The following MEP1A variants were observed in gnomAD, a reference collection of about 807,000 sequenced individuals.
The protein encoded by MEP1A is meprin A subunit alpha, also known as N-benzoyl-L-tyrosyl-P-amino-benzoic acid hydrolase subunit alpha.
Under a neutral mutation model 84.5 loss-of-function variants are expected in MEP1A, and 68 were observed. That is an observed-to-expected ratio of 0.80 (90% CI 0.66 to 0.98). The LOEUF (loss-of-function observed/expected upper bound fraction) is 0.98, where lower values mean the gene tolerates loss of function less well. MEP1A is among the 50% of genes least tolerant of loss of function. The probability of loss-of-function intolerance (pLI) is 0.00; values close to 1 mark genes in which losing one functional copy is unlikely to be tolerated. For missense variants in MEP1A, 887 were observed against 919.9 expected (o/e 0.96, Z 0.46); for synonymous variants, 337 against 336.8 (o/e 1.00, Z -0.01).
chr6:46,845,182 G>T, the MEP1A span, among the ~76,000 whole-genome samples: 1 of 152,174 alleles, frequency 6.6e-6, no homozygotes, highest in African/African-American at 2.4e-5. Context: ...GACGTAGTGT[G>T]ATCAAATTCA....
At chr6:46,807,524 G>T (rs143470382) in intron 5 of MEP1A, among the ~76,000 whole-genome samples, 2,158 of 26,248 alleles carry the variant, frequency 0.082, 53 homozygotes, top group African/African-American at 0.24. Context: ...AAGAAAGAAA[G>T]AAAGAAAGAA....
chr6:46,819,854 G>T (rs1415539129), intron 7 of MEP1A, 150 bp downstream of exon 7: 1 of 857,410 alleles, frequency 1.2e-6, no homozygotes. Flanking sequence ...CCTTTATGTG[G>T]GCTGTGCTGG....
rs780950509 is a variant in MEP1A, at chr6:46,809,483, AT to A, written c.329del (p.Phe110SerfsTer44). On this transcript the variant is annotated frameshift_variant, in exon 6 of 14. Transcript: ENST00000230588. LOFTEE classifies it high-confidence loss of function. ...FEMFRLKSCV[D>X]FKPYEGESSY... ...ATGTTCCGTCTCAAGTCCTGTGTGG[AT>A]TTCAAGCCCTATGAAGGAGAGAGCT... 1.2e-6 allele frequency: 2 copies of A among 1,610,620 alleles called. No individual in the cohort carries two copies. Among genetic ancestry groups the A allele is most frequent in the Non-Finnish European group, 1.7e-6 (2 of 1,177,934 alleles).
At chr6:46,808,935 A>C (rs1449003156) in intron 5 of MEP1A, among the ~76,000 whole-genome samples, 1 of 151,942 alleles carries the variant, frequency 6.6e-6, no homozygotes, top group Non-Finnish European at 1.5e-5. Context: ...CCAGAAAGAG[A>C]GAATGTCTTT....
In MEP1A at chr6:46,834,632, C is replaced by T. The variant is rs545693270; in HGVS notation, c.1664C>T (p.Thr555Met). 83 of 1,611,084 alleles carry T rather than the reference C, an allele frequency of 5.2e-5. No individual in the cohort carries two copies. In the East Asian group the frequency reaches 1.5e-3, roughly 29 times the overall value. The part of the protein sequence containing the change: ...DRPSRVGTYH[T>M]DCNCFRSIDL... ...CCGTCCAGGGTGGGAACCTATCATA[C>T]GGACTGTAATTGTTTTAGAAGCATC... Residue 555 changes from threonine to methionine, a missense_variant, in exon 12 of 14, where the codon ACG (threonine) becomes ATG (methionine). Transcript: ENST00000230588.
intron 5 of MEP1A, among the ~76,000 whole-genome samples, chr6:46,808,310 A>G (rs1293769442): frequency 6.6e-6 from 1 of 152,022 alleles, no homozygotes; most frequent in African/African-American, 2.4e-5. Flanking sequence ...TAGTTTATTG[A>G]CTATTCCCAT....
intron 5 of MEP1A, among the ~76,000 whole-genome samples, chr6:46,799,931 G>A (rs977428696): frequency 6.6e-6 from 1 of 152,148 alleles, no homozygotes; most frequent in African/African-American, 2.4e-5. Context: ...AGCCAGGACA[G>A]GGTTGCTTAG....
At position 46,829,547 on chromosome 6, in the gene MEP1A, T is replaced by C. The variant is rs761938543; in HGVS notation, c.1120T>C (p.Leu374=). 9.9e-6 allele frequency: 16 copies of C among 1,613,976 alleles called. No individual in the cohort carries two copies. Among genetic ancestry groups the C allele is most frequent in the Middle Eastern group, 1.6e-4 (1 of 6,082 alleles). The change falls in exon 10 of 14, where the codon TTG becomes CTG. Residue 374 remains leucine, a synonymous_variant. Coordinates refer to ENST00000230588, the MANE Select transcript of MEP1A (RefSeq NM_005588.3). ...RDDSTGNVRK[L]VKVQTFQGDD... ...TGACAGCACAGGCAATGTTCGCAAG[T>C]TGGTGAAGGTGCAGACTTTTCAAGG...
At chr6:46,802,910 G>A (rs1384993238) in intron 5 of MEP1A, among the ~76,000 whole-genome samples, 2 of 151,614 alleles carry the variant, frequency 1.3e-5, no homozygotes, top group Admixed American at 1.3e-4. Flanking sequence ...TATTTTGCTG[G>A]ATTCCTAATA....
intron 11 of MEP1A, among the ~76,000 whole-genome samples, chr6:46,834,337 G>A (rs556435707): frequency 1.6e-4 from 25 of 151,942 alleles, no homozygotes; most frequent in Non-Finnish European, 3.4e-4. Context: ...ATCACTCAGA[G>A]CTGTGATTCT....
chr6:46,838,431 G>A (rs1163087835), intron 13 of MEP1A, among the ~76,000 whole-genome samples: 1 of 152,168 alleles, frequency 6.6e-6, no homozygotes, highest in Non-Finnish European at 1.5e-5. Flanking sequence ...TAAGTACAGT[G>A]TCCTCATTAT....
rs567626557 is a variant in MEP1A at position 46,835,451 on chromosome 6, G to A, written c.1986G>A (p.Glu662=). 1.6e-5 allele frequency: 26 copies of A among 1,612,680 alleles called. No homozygotes were observed. In the East Asian group the frequency reaches 4.9e-4, roughly 30 times the overall value. The change falls in exon 13 of 14, where the codon GAG becomes GAA. Residue 662 remains glutamate, a synonymous_variant. Coordinates refer to ENST00000230588, the MANE Select transcript of MEP1A (RefSeq NM_005588.3). Reference sequence around the variant, plus strand: ...CGGTGGAGAACACAGGCCCCCTGGAGGACCATAACTGGCCACAGTACTTCA... The same window carrying A: ...CGGTGGAGAACACAGGCCCCCTGGAAGACCATAACTGGCCACAGTACTTCA... ...KRSVENTGPL[E]DHNWPQYFRD...
At chr6:46,841,485 T>A (rs184092569), downstream of MEP1A, among the ~76,000 whole-genome samples, 4 of 152,162 alleles carry the variant, frequency 2.6e-5, no homozygotes, top group African/African-American at 9.7e-5. Context: ...AGAGGGCATG[T>A]AGGGTGGGGA....
chr6:46,809,335 C>T (rs1767435145), intron 5 of MEP1A, 85 bp from the exon 6 acceptor site: 1 of 801,996 alleles, frequency 1.2e-6, no homozygotes, highest in Non-Finnish European at 1.9e-6. Flanking sequence ...TTTAATGTGG[C>T]AGCATGGTTT....
At chr6:46,813,512 A>G (rs917765715) in intron 6 of MEP1A, among the ~76,000 whole-genome samples, 5 of 152,132 alleles carry the variant, frequency 3.3e-5, no homozygotes, top group South Asian at 2.1e-4. Context: ...GCTATTCTGT[A>G]TCTTTTTAAG....
intron 3 of MEP1A, among the ~76,000 whole-genome samples, chr6:46,797,935 C>CTTCCTTCCTTCCTTCCTTCT (rs1767101635): frequency 4.9e-5 from 1 of 20,532 alleles, no homozygotes; most frequent in African/African-American, 1.7e-4. Context: ...TCCTTCTTTC[C>CTTCCTTCCTTCCTTCCTTCT]TTCCTTCCTT....
chr6:46,821,313 C>T (rs560890456), intron 7 of MEP1A, among the ~76,000 whole-genome samples: 24 of 152,258 alleles, frequency 1.6e-4, no homozygotes, highest in African/African-American at 4.3e-4. Context: ...CCACATACTC[C>T]GACCATCTTA....
At chr6:46,825,981 A>T (rs182590499) in intron 8 of MEP1A, among the ~76,000 whole-genome samples, 2 of 152,180 alleles carry the variant, frequency 1.3e-5, no homozygotes, top group African/African-American at 2.4e-5. Context: ...TTTTCTAAAG[A>T]TGATCCCCCT....
intron 5 of MEP1A, among the ~76,000 whole-genome samples, chr6:46,809,097 T>G (rs1272829870): frequency 1.3e-5 from 2 of 151,996 alleles, no homozygotes; most frequent in African/African-American, 2.4e-5. Flanking sequence ...TCTGCTTCAG[T>G]GGGGGAAAGG....
Sources: gnomAD v4.1 joint callset for allele counts (sites outside exome capture counted in the v4.1 genomes callset) on GRCh38, gnomAD v4.1.1 for gene constraint, MANE v1.5 for transcripts, NCBI Gene and HGNC (gene_info 2026-07-23, HGNC 2026-07-21) for gene names.